Variants in ATP2A2 observed in about 807,000 individuals in gnomAD.
ATP2A2 encodes the protein ATPase sarcoplasmic/endoplasmic reticulum Ca2+ transporting 2, also known as sarcoplasmic/endoplasmic reticulum calcium ATPase 2.
Under a neutral mutation model 109.3 loss-of-function variants are expected in ATP2A2, and 14 were observed. That is an observed-to-expected ratio of 0.13 (90% CI 0.08 to 0.20). The LOEUF (loss-of-function observed/expected upper bound fraction) is 0.20, where lower values mean the gene tolerates loss of function less well. ATP2A2 is among the 10% of genes least tolerant of loss of function. The pLI, the probability that ATP2A2 is intolerant of heterozygous loss-of-function variation, is 1.00. For synonymous variants in ATP2A2, 506 were observed against 490.9 expected (o/e 1.03, Z -0.41); for missense variants, 657 against 1,321.6 (o/e 0.50, Z 7.80).
In ATP2A2 at chr12:110,305,056, C is replaced by A. The variant is rs528074445; in HGVS notation, c.463+8319C>A. Among the ~76,000 whole-genome samples, 224 of 152,164 alleles carry A rather than the reference C, an allele frequency of 1.5e-3. 1 individual carries two copies. The highest frequency in any genetic ancestry group is 2.7e-3 in the Non-Finnish European group (183 of 68,010). On this transcript the variant is annotated intron_variant, in intron 5 of 19. Coordinates refer to ENST00000539276, the MANE Select transcript of ATP2A2 (RefSeq NM_170665.4). ...TCAAGCGATTCTCCCGCCTCAGTCT[C>A]CCGAGTAGCTGGGATTACAGGTGCA... is the stretch of plus-strand genomic sequence containing the variant.
In ATP2A2 at chr12:110,340,637, T is replaced by A. The variant is rs1434102003; in HGVS notation, c.1762-22T>A. ...AAAACTAGAACTTGCCACTTTTATTTAAAGTGATGCTCTTATTTTAGACCA... is the reference window on the plus strand; with the variant it reads ...AAAACTAGAACTTGCCACTTTTATTAAAAGTGATGCTCTTATTTTAGACCA... On this transcript the variant is annotated intron_variant, in intron 13 of 19. Coordinates refer to ENST00000539276, the MANE Select transcript of ATP2A2 (RefSeq NM_170665.4). This position sits in a 1 kb window ranked among gnomAD's most constrained non-coding sequence, Gnocchi z 6.0. 1 of 1,612,396 alleles carries A rather than the reference T, an allele frequency of 6.2e-7. No individual in the cohort carries two copies. The highest frequency in any genetic ancestry group is 8.5e-7 in the Non-Finnish European group (1 of 1,178,602).
At chr12:110,337,567 T>C (rs115351880) in intron 11 of ATP2A2, among the ~76,000 whole-genome samples, 2,033 of 152,382 alleles carry the variant, frequency 0.013, 47 homozygotes, top group African/African-American at 0.046. Context: ...GCAGGATCGC[T>C]GCAGGGCCCT....
chr12:110,329,947 G>C (rs946072817), intron 8 of ATP2A2: 1 of 152,148 alleles, frequency 6.6e-6, no homozygotes, highest in East Asian at 1.9e-4. Flanking sequence ...TCATTAATTA[G>C]CAAGGGAATC....
Position 110,301,302 on chromosome 12 carries a change from A to G in ATP2A2, c.463+4565A>G, listed in dbSNP as rs546833270. Among the ~76,000 whole-genome samples the G allele has an allele frequency of 9.8e-5, 15 of 152,344 alleles. No homozygotes were observed. The South Asian group carries it at 2.9e-3, about 29-fold the overall frequency. On this transcript the variant is annotated intron_variant, in intron 5 of 19. Transcript: ENST00000539276. ...AGGAAACTACAACTGTGATACCTCA[A>G]AGCACCATCCTTTTTGAAGAAAGAG... is the stretch of plus-strand genomic sequence containing the variant.
intron 5 of ATP2A2, among the ~76,000 whole-genome samples, chr12:110,311,230 G>GGGTT (rs1302018694): frequency 2.0e-5 from 3 of 152,140 alleles, no homozygotes; most frequent in African/African-American, 7.2e-5. Flanking sequence ...CTATCTTTGT[G>GGGTT]GGTTGGTTGG....
At chr12:110,319,325 T>C (rs1877011740) in intron 5 of ATP2A2, among the ~76,000 whole-genome samples, 1 of 151,566 alleles carries the variant, frequency 6.6e-6, no homozygotes, top group South Asian at 2.1e-4. Flanking sequence ...ATAACTCTTC[T>C]TGTCGTTTCT....
At position 110,349,394 on chromosome 12, in the gene ATP2A2, T is replaced by C; in HGVS notation, c.*2924T>C. 1.0e-6 allele frequency: 1 copy of C among 985,530 alleles called. No homozygotes were observed. The highest frequency in any genetic ancestry group is 1.2e-6 in the Non-Finnish European group (1 of 829,986). The allele number at this position is 985,530 out of a possible 1,614,324, so 61.0% of individuals were successfully genotyped here. ...GTGGCTGAAGGCCCAGCCATCAGTG[T>C]CGCTTGTTGCCACCCCGTGCCTCCC... On this transcript the variant is annotated 3_prime_UTR_variant, in exon 20 of 20. Transcript: ENST00000539276.
chr12:110,321,012 A>C (rs976040156), intron 5 of ATP2A2, among the ~76,000 whole-genome samples: 3 of 152,198 alleles, frequency 2.0e-5, no homozygotes, highest in African/African-American at 7.2e-5. Flanking sequence ...TGGATGCCTG[A>C]GGTCAGGAGT....
chr12:110,318,349 AATTG>A (rs1162253683), intron 5 of ATP2A2, among the ~76,000 whole-genome samples: 1 of 152,224 alleles, frequency 6.6e-6, no homozygotes, highest in African/African-American at 2.4e-5. Context: ...GGTTTTCATT[AATTG>A]AGCTTCCTTA....
rs562628611 is a variant in ATP2A2, at chr12:110,319,766, C to G, written c.464-3226C>G. On this transcript the variant is annotated intron_variant, in intron 5 of 19. Transcript: ENST00000539276. The stretch of plus-strand genomic sequence containing the variant: ...GTGTATCTATTAGTGTTAGGTAGGA[C>G]CATTACTAAATACAGTGTGTATATA... 9.9e-5 allele frequency among the ~76,000 whole-genome samples: 15 copies of G among 151,388 alleles called. No homozygotes were observed. In the South Asian group the frequency reaches 3.1e-3, roughly 32 times the overall value.
intron 5 of ATP2A2, among the ~76,000 whole-genome samples, chr12:110,299,695 C>T (rs183380696): frequency 5.9e-5 from 9 of 152,316 alleles, no homozygotes; most frequent in Admixed American, 4.6e-4. Flanking sequence ...TCACGGCTCA[C>T]TGCAGCATTG....
rs916697367 is a variant in ATP2A2, at chr12:110,333,165, T to C, written c.1185-16T>C. Reference sequence around the variant, plus strand: ...GCGACCATACCCTGCTCTAAGAGTGTTTTCTCTTTGGGCAGGCATAAAGAT... The same window carrying C: ...GCGACCATACCCTGCTCTAAGAGTGCTTTCTCTTTGGGCAGGCATAAAGAT... On this transcript the variant is annotated splice_polypyrimidine_tract_variant and intron_variant, in intron 9 of 19. Transcript: ENST00000539276. The C allele has an allele frequency of 6.2e-7, 1 of 1,604,312 alleles. No homozygotes were observed. Among genetic ancestry groups the C allele is most frequent in the Non-Finnish European group, 8.5e-7 (1 of 1,171,554 alleles).
At chr12:110,344,766 C>G (rs779111764) in intron 16 of ATP2A2, 120 bp from the exon 17 acceptor site, 1 of 971,828 alleles carries the variant, frequency 1.0e-6, no homozygotes, top group South Asian at 1.3e-5. Flanking sequence ...CCACAGGCCC[C>G]GGTTACCATC....
At chr12:110,316,476 A>G (rs938800773) in intron 5 of ATP2A2, among the ~76,000 whole-genome samples, 1 of 152,178 alleles carries the variant, frequency 6.6e-6, no homozygotes, top group Admixed American at 6.5e-5. Flanking sequence ...TAGCTTCGTG[A>G]TGTTCTTCAA....
At chr12:110,330,599 T>C (rs1035036832) in intron 8 of ATP2A2, 1 of 152,200 alleles carries the variant, frequency 6.6e-6, no homozygotes, top group Non-Finnish European at 1.5e-5. Flanking sequence ...ATGTGTAAAA[T>C]TGTAATTTTT....
At chr12:110,301,762 C>T (rs943403513) in intron 5 of ATP2A2, among the ~76,000 whole-genome samples, 6 of 152,346 alleles carry the variant, frequency 3.9e-5, no homozygotes, top group African/African-American at 1.4e-4. Context: ...ACCTGATAAA[C>T]TTGCATTGTG....
At chr12:110,291,640 CTTTTTTTT>C (rs34738611) in intron 3 of ATP2A2, among the ~76,000 whole-genome samples, 5 of 116,154 alleles carry the variant, frequency 4.3e-5, no homozygotes, top group African/African-American at 1.7e-4. Context: ...GTGCTAGCCA[CTTTTTTTT>C]TTTTTTTTTT....
At chr12:110,292,548 C>T (rs111267685) in intron 4 of ATP2A2, among the ~76,000 whole-genome samples, 4 of 152,294 alleles carry the variant, frequency 2.6e-5, no homozygotes, top group African/African-American at 9.6e-5. Flanking sequence ...GGATTACAGA[C>T]GTGAGCCACC....
intron 11 of ATP2A2, among the ~76,000 whole-genome samples, chr12:110,336,773 G>C (rs1202488535): frequency 6.6e-6 from 1 of 152,192 alleles, no homozygotes; most frequent in Non-Finnish European, 1.5e-5. Flanking sequence ...CAGTCTCAAA[G>C]CCATGAAGGC....
Sources: allele counts gnomAD v4.1 joint callset (sites outside exome capture counted in the v4.1 genomes callset), GRCh38; gene constraint gnomAD v4.1.1; non-coding constraint Gnocchi (gnomAD v3.1); transcripts MANE v1.5; gene names NCBI Gene and HGNC (gene_info 2026-07-23, HGNC 2026-07-21).